The following NEGR1 variants were observed in gnomAD, a reference collection of about 807,000 sequenced individuals.
NEGR1 encodes the protein neuronal growth regulator 1.
A neutral mutation model predicts 40.9 loss-of-function variants in NEGR1; 10 were observed. The ratio of observed to expected loss-of-function variants is 0.24; its 90% CI spans 0.15 to 0.42. The LOEUF is 0.42. NEGR1 is among the 10% of genes least tolerant of loss of function. The pLI, the probability that NEGR1 is intolerant of heterozygous loss-of-function variation, is 1.00. For synonymous variants in NEGR1, 185 were observed against 166.8 expected (o/e 1.11, Z -0.84); for missense variants, 352 against 438.9 (o/e 0.80, Z 1.77).
chr1:71,928,285 C>G (rs1645809863), intron 2 of NEGR1, among the ~76,000 whole-genome samples: 1 of 126,554 alleles, frequency 7.9e-6, no homozygotes, highest in Non-Finnish European at 1.7e-5. Flanking sequence ...TATATACACA[C>G]ATATGTATAT....
intron 1 of NEGR1, among the ~76,000 whole-genome samples, chr1:72,208,049 G>GA (rs201621599): frequency 2.7e-5 from 4 of 150,434 alleles, no homozygotes; most frequent in Middle Eastern, 3.2e-3. Context: ...GCATATTCTA[G>GA]AAAAAAAAAG....
At chr1:71,628,495 A>C (rs1349826990) in intron 4 of NEGR1, among the ~76,000 whole-genome samples, 1 of 151,998 alleles carries the variant, frequency 6.6e-6, no homozygotes, top group Non-Finnish European at 1.5e-5. Flanking sequence ...TACACGTGCC[A>C]TGGTGGTTTG....
At chr1:71,869,883 CTTTT>C (rs140029802) in intron 2 of NEGR1, among the ~76,000 whole-genome samples, 4 of 136,064 alleles carry the variant, frequency 2.9e-5, no homozygotes, top group Non-Finnish European at 3.2e-5. Flanking sequence ...TTCTTTCTTT[CTTTT>C]TTTTTTTTTT....
At chr1:71,643,470 A>G (rs1651424055) in intron 4 of NEGR1, among the ~76,000 whole-genome samples, 2 of 152,014 alleles carry the variant, frequency 1.3e-5, no homozygotes, top group African/African-American at 4.8e-5. Flanking sequence ...TAGTTCATTG[A>G]CTTTTCAGTT....
chr1:71,635,580 T>C (rs1159606208), intron 4 of NEGR1, among the ~76,000 whole-genome samples: 2 of 152,084 alleles, frequency 1.3e-5, no homozygotes, highest in Non-Finnish European at 2.9e-5. Flanking sequence ...AAAATTGTTC[T>C]TGGGTTTGTG....
chr1:71,659,289 G>T (rs929415311), intron 4 of NEGR1, among the ~76,000 whole-genome samples: 1 of 152,036 alleles, frequency 6.6e-6, no homozygotes, highest in African/African-American at 2.4e-5. Flanking sequence ...AACTCAGACC[G>T]CTCTTCAATA....
intron 1 of NEGR1, among the ~76,000 whole-genome samples, chr1:72,037,418 T>G (rs527568031): frequency 9.2e-5 from 14 of 152,160 alleles, no homozygotes; most frequent in Non-Finnish European, 1.8e-4. Context: ...AATGAAGAAA[T>G]CTGGCACTTA....
intron 2 of NEGR1, among the ~76,000 whole-genome samples, chr1:71,870,150 G>A (rs1405950082): frequency 6.6e-6 from 1 of 152,086 alleles, no homozygotes; most frequent in Non-Finnish European, 1.5e-5. Context: ...AAAGTGCTAG[G>A]ATTACAGGCG....
At chr1:71,853,000 T>A (rs1051480363) in intron 2 of NEGR1, among the ~76,000 whole-genome samples, 4 of 152,076 alleles carry the variant, frequency 2.6e-5, no homozygotes, top group African/African-American at 9.7e-5. Context: ...AATTTGGACA[T>A]TTAAAGTTAA....
intron 1 of NEGR1, among the ~76,000 whole-genome samples, chr1:72,103,356 A>G (rs1569968602): frequency 6.6e-6 from 1 of 152,200 alleles, no homozygotes; most frequent in East Asian, 1.9e-4. Context: ...TGGTATGTTG[A>G]CAGAGCATAA....
intron 1 of NEGR1, among the ~76,000 whole-genome samples, chr1:72,030,720 A>C (rs1411743073): frequency 6.6e-6 from 1 of 152,162 alleles, no homozygotes; most frequent in African/African-American, 2.4e-5. Context: ...ACATTAGATA[A>C]AGCAAATGTA....
intron 2 of NEGR1, among the ~76,000 whole-genome samples, chr1:71,865,914 T>C (rs1410164988): frequency 1.3e-5 from 2 of 152,216 alleles, no homozygotes; most frequent in South Asian, 2.1e-4. Flanking sequence ...CTGTTTCCTG[T>C]ATTAAACAAA....
Position 71,737,246 on chromosome 1 carries a change from T to C in NEGR1, c.535+38926A>G, listed in dbSNP as rs577281956. Among the ~76,000 whole-genome samples, 3 of 152,328 alleles carry C rather than the reference T, an allele frequency of 2.0e-5. No homozygotes were observed. The East Asian group carries it at 5.8e-4, about 29-fold the overall frequency. ...ATGTCTGTTAAACTCTTACCTTTGC[T>C]CAACTAGTTTTTCAATAGTTCTAGA... On this transcript the variant is annotated intron_variant, in intron 3 of 6. Coordinates refer to ENST00000357731, the MANE Select transcript of NEGR1 (RefSeq NM_173808.3).
chr1:72,255,087 A>C (rs1249875200), intron 1 of NEGR1, among the ~76,000 whole-genome samples: 1 of 152,202 alleles, frequency 6.6e-6, no homozygotes, highest in Non-Finnish European at 1.5e-5. Context: ...TGTCAATTCT[A>C]TTTATGGTTC....
At chr1:71,781,512 A>G (rs1656714663) in intron 2 of NEGR1, among the ~76,000 whole-genome samples, 1 of 152,212 alleles carries the variant, frequency 6.6e-6, no homozygotes, top group African/African-American at 2.4e-5. Context: ...GTGAAAGACC[A>G]CAGTGCATAC....
intron 1 of NEGR1, among the ~76,000 whole-genome samples, chr1:72,210,941 T>A (rs985048053): frequency 6.6e-6 from 1 of 151,868 alleles, no homozygotes; most frequent in Non-Finnish European, 1.5e-5. Flanking sequence ...GAATCGTGGA[T>A]GTGTTTATTA....
chr1:71,444,424 A>G (rs1646567422), intron 6 of NEGR1, among the ~76,000 whole-genome samples: 1 of 152,144 alleles, frequency 6.6e-6, no homozygotes, highest in Non-Finnish European at 1.5e-5. Flanking sequence ...TTCCAGGAGA[A>G]TAATATCCCA....
At chr1:71,625,958 G>T (rs1334714995) in intron 4 of NEGR1, among the ~76,000 whole-genome samples, 7 of 151,934 alleles carry the variant, frequency 4.6e-5, no homozygotes, top group African/African-American at 1.7e-4. Context: ...TATCACATGA[G>T]CAGTGGCAAC....
chr1:71,880,407 A>T (rs1161376332), intron 2 of NEGR1, among the ~76,000 whole-genome samples: 1 of 152,068 alleles, frequency 6.6e-6, no homozygotes, highest in Non-Finnish European at 1.5e-5. Context: ...GATGCCCCCA[A>T]TTACTTAACC....
Sources: allele counts gnomAD v4.1 joint callset (sites outside exome capture counted in the v4.1 genomes callset), GRCh38; gene constraint gnomAD v4.1.1; transcripts MANE v1.5; gene names NCBI Gene and HGNC (gene_info 2026-07-23, HGNC 2026-07-21).